ZMAT4: variants seen among roughly 807,000 people sequenced by gnomAD.
ZMAT4 encodes zinc finger matrin-type protein 4.
A neutral mutation model predicts 28.7 loss-of-function variants in ZMAT4; 17 were observed. The observed-to-expected ratio is 0.59, with a 90% CI of 0.41 to 0.89. ZMAT4 has a LOEUF of 0.89. ZMAT4 is among the 40% of genes least tolerant of loss of function. The pLI, the probability that ZMAT4 is intolerant of heterozygous loss-of-function variation, is 0.00. For missense variants in ZMAT4, 240 were observed against 283.8 expected (o/e 0.85, Z 1.11); for synonymous variants, 117 against 109.2 (o/e 1.07, Z -0.44).
At chr8:40,773,702 T>C (rs72641525) in intron 2 of ZMAT4, among the ~76,000 whole-genome samples, 96 of 152,246 alleles carry the variant, frequency 6.3e-4, no homozygotes, top group Non-Finnish European at 1.1e-3. Flanking sequence ...GATAAGGTAT[T>C]AGGGTCTGAG....
chr8:40,595,782 AC>A (rs1430229957), intron 5 of ZMAT4, among the ~76,000 whole-genome samples: 8 of 152,034 alleles, frequency 5.3e-5, no homozygotes, highest in Non-Finnish European at 1.0e-4. Flanking sequence ...TGTAAAAAGT[AC>A]TATAAAACCG....
At chr8:40,760,469 C>G (rs992393033) in intron 3 of ZMAT4, among the ~76,000 whole-genome samples, 1 of 152,206 alleles carries the variant, frequency 6.6e-6, no homozygotes, top group South Asian at 2.1e-4. Flanking sequence ...AGCCCTGCTT[C>G]GCAGCACCCT....
chr8:40,592,269 A>T (rs927539969), intron 5 of ZMAT4, among the ~76,000 whole-genome samples: 2 of 152,162 alleles, frequency 1.3e-5, no homozygotes, highest in African/African-American at 4.8e-5. Context: ...CCAATCTTAC[A>T]CTTGCACAGT....
At chr8:40,741,982 T>C (rs1290431629) in intron 3 of ZMAT4, among the ~76,000 whole-genome samples, 2 of 152,120 alleles carry the variant, frequency 1.3e-5, no homozygotes, top group African/African-American at 4.8e-5. Flanking sequence ...CTTACGCCTG[T>C]AATCCCAATA....
intron 5 of ZMAT4, among the ~76,000 whole-genome samples, chr8:40,671,932 T>C (rs1808687793): frequency 6.6e-6 from 1 of 152,224 alleles, no homozygotes; most frequent in South Asian, 2.1e-4. Context: ...GATTTTGTTT[T>C]AGGGCATTCT....
chr8:40,691,125 G>A (rs1252005320), intron 4 of ZMAT4, among the ~76,000 whole-genome samples: 2 of 152,098 alleles, frequency 1.3e-5, no homozygotes, highest in Non-Finnish European at 2.9e-5. Flanking sequence ...TGGTTACAAG[G>A]TTTTGATCAA....
chr8:40,701,586 C>T (rs1022462472), intron 3 of ZMAT4, among the ~76,000 whole-genome samples: 16 of 136,364 alleles, frequency 1.2e-4, no homozygotes, highest in Non-Finnish European at 2.3e-4. Flanking sequence ...GTCACGATCT[C>T]GGCTCACTGC....
chr8:40,718,557 T>C (rs974348645), intron 3 of ZMAT4, among the ~76,000 whole-genome samples: 6 of 152,172 alleles, frequency 3.9e-5, no homozygotes, highest in South Asian at 4.1e-4. Flanking sequence ...AAAGAAAGTC[T>C]GGGCAAAGGT....
intron 6 of ZMAT4, among the ~76,000 whole-genome samples, chr8:40,567,108 CT>C (rs1803948441): frequency 1.3e-5 from 2 of 152,104 alleles, no homozygotes; most frequent in South Asian, 4.1e-4. Context: ...ACAGATATAT[CT>C]CTGGAGAGTA....
At chr8:40,603,866 G>A (rs139853405) in intron 5 of ZMAT4, among the ~76,000 whole-genome samples, 167 of 152,218 alleles carry the variant, frequency 1.1e-3, no homozygotes, top group Middle Eastern at 6.8e-3. Context: ...TCCTGATCTC[G>A]TGATCTGCCC....
intron 5 of ZMAT4, among the ~76,000 whole-genome samples, chr8:40,601,169 T>C (rs1050989317): frequency 3.3e-5 from 5 of 152,044 alleles, no homozygotes; most frequent in African/African-American, 1.2e-4. Flanking sequence ...AGGTGACTCC[T>C]GGTAGTGGAA....
chr8:40,865,443 G>A (rs999972602), intron 1 of ZMAT4, among the ~76,000 whole-genome samples: 1 of 152,176 alleles, frequency 6.6e-6, no homozygotes, highest in African/African-American at 2.4e-5. Context: ...ATGACCAATG[G>A]CAGAGGGATC....
chr8:40,645,893 T>C (rs1382458908), intron 5 of ZMAT4, among the ~76,000 whole-genome samples: 1 of 152,156 alleles, frequency 6.6e-6, no homozygotes, highest in Non-Finnish European at 1.5e-5. Context: ...TATAGCAATG[T>C]AACAATAATA....
chr8:40,543,818 G>A (rs1803114906), intron 6 of ZMAT4, among the ~76,000 whole-genome samples: 1 of 152,138 alleles, frequency 6.6e-6, no homozygotes, highest in Non-Finnish European at 1.5e-5. Context: ...CATTTTAACT[G>A]AGATAAGGTA....
At chr8:40,835,018 C>T (rs923363937) in intron 1 of ZMAT4, among the ~76,000 whole-genome samples, 7 of 152,204 alleles carry the variant, frequency 4.6e-5, no homozygotes, top group Admixed American at 3.9e-4. Flanking sequence ...GCGCAGATGT[C>T]AGGGAAAGCG....
intron 3 of ZMAT4, among the ~76,000 whole-genome samples, chr8:40,731,341 A>G (rs1811532897): frequency 6.6e-6 from 1 of 152,178 alleles, no homozygotes; most frequent in East Asian, 1.9e-4. Flanking sequence ...TAAAAGGCAC[A>G]GGCTCAGAAA....
intron 2 of ZMAT4, among the ~76,000 whole-genome samples, chr8:40,802,517 A>T (rs1814892764): frequency 6.6e-6 from 1 of 152,044 alleles, no homozygotes; most frequent in Non-Finnish European, 1.5e-5. Context: ...TATGTATAAG[A>T]TCTATATAAG....
At chr8:40,813,673 G>T (rs541344206) in intron 2 of ZMAT4, among the ~76,000 whole-genome samples, 1 of 152,316 alleles carries the variant, frequency 6.6e-6, no homozygotes, top group East Asian at 1.9e-4. Context: ...TCAGACAAAA[G>T]GTATTACCTA....
intron 5 of ZMAT4, among the ~76,000 whole-genome samples, chr8:40,672,582 C>T (rs1288677867): frequency 2.0e-5 from 3 of 152,092 alleles, no homozygotes; most frequent in African/African-American, 7.2e-5. Context: ...AGAATTCAGA[C>T]ACCAAAGTCA....
Sources: gnomAD v4.1 joint callset for allele counts (sites outside exome capture counted in the v4.1 genomes callset) on GRCh38, gnomAD v4.1.1 for gene constraint, MANE v1.5 for transcripts, NCBI Gene and HGNC (gene_info 2026-07-23, HGNC 2026-07-21) for gene names.